The following TRAF3IP1 variants were observed in gnomAD, a reference collection of about 807,000 sequenced individuals.
TRAF3IP1 encodes intraflagellar transport 54.
Under a neutral mutation model 89.9 loss-of-function variants are expected in TRAF3IP1, and 53 were observed. The ratio of observed to expected loss-of-function variants is 0.59; its 90% CI spans 0.47 to 0.74. The LOEUF is 0.74. Ranked by LOEUF, TRAF3IP1 falls within the 30% of genes least tolerant of loss-of-function variation. TRAF3IP1 has a pLI of 0.00. For synonymous variants in TRAF3IP1, 311 were observed against 322.1 expected (o/e 0.97, Z 0.37); for missense variants, 806 against 866.1 (o/e 0.93, Z 0.87).
rs956925211 is a variant in TRAF3IP1, at chr2:238,351,013, A to G, written c.1451+1605A>G. On this transcript the variant is annotated intron_variant, in intron 12 of 16. Transcript: ENST00000373327. This position sits in a 1 kb window ranked among gnomAD's most constrained non-coding sequence, Gnocchi z 5.2. ...AGGAGGCATTAGGATTGAGAGGCTG[A>G]AGGTGCCGGATGGATAGAAGGATTG... 3.3e-5 allele frequency among the ~76,000 whole-genome samples: 5 copies of G among 152,214 alleles called. 1 individual carries two copies. The highest frequency in any genetic ancestry group is 7.4e-5 in the Non-Finnish European group (5 of 68,010).
chr2:238,357,025 A>G (rs570116454), intron 15 of TRAF3IP1, among the ~76,000 whole-genome samples: 1 of 152,158 alleles, frequency 6.6e-6, no homozygotes, highest in East Asian at 1.9e-4. Context: ...TGATCCACCC[A>G]CCTTGGCCTC....
Position 238,332,822 on chromosome 2 carries a change from A to G in TRAF3IP1, c.916-2A>G, listed in dbSNP as rs571137313. On this transcript the variant is annotated splice_acceptor_variant, in intron 5 of 16. Transcript: ENST00000373327. LOFTEE classifies it high-confidence loss of function. ...AGTTTGAATTTTTTTTTTTTTTAAT[A>G]GTCAGCAAGCTCAGGGGAGATGTCT... 3 of 1,593,868 alleles carry G rather than the reference A, an allele frequency of 1.9e-6. No individual in the cohort carries two copies. Among genetic ancestry groups the G allele is most frequent in the Admixed American group, 3.5e-5 (2 of 56,654 alleles).
Position 238,399,202 on chromosome 2 carries a change from T to G in TRAF3IP1, c.*283T>G, listed in dbSNP as rs1701369433. The G allele has an allele frequency of 3.4e-6, 1 of 298,426 alleles. No homozygotes were observed. The highest frequency in any genetic ancestry group is 2.2e-5 in the African/African-American group (1 of 45,542). The allele number at this position is 298,426 out of a possible 1,614,324, so 18.5% of individuals were successfully genotyped here. A position where few individuals can be genotyped will look rare whatever the true frequency, so the allele number is the denominator to read the frequency against. The stretch of plus-strand genomic sequence containing the variant: ...GAAAGCCTGTTCTTTGTGTTTCTGC[T>G]GTAACCTGTTTAGTTCTGTACCAGA... On this transcript the variant is annotated 3_prime_UTR_variant, in exon 17 of 17. Transcript: ENST00000373327.
intron 8 of TRAF3IP1, among the ~76,000 whole-genome samples, chr2:238,342,055 C>T (rs1047686827): frequency 1.3e-5 from 2 of 151,860 alleles, no homozygotes; most frequent in Non-Finnish European, 2.9e-5. Flanking sequence ...GTAGTGTGAT[C>T]TTGGCTCACT....
At chr2:238,383,496 C>T (rs1052736682) in intron 15 of TRAF3IP1, among the ~76,000 whole-genome samples, 1 of 152,218 alleles carries the variant, frequency 6.6e-6, no homozygotes, top group African/African-American at 2.4e-5. Flanking sequence ...TACACCGTGG[C>T]GTTTCCCTAG....
chr2:238,357,191 C>G (rs1256521876), intron 15 of TRAF3IP1, among the ~76,000 whole-genome samples: 1 of 152,200 alleles, frequency 6.6e-6, no homozygotes, highest in Non-Finnish European at 1.5e-5. Flanking sequence ...CTCTTGCCAG[C>G]CACTACCCTT....
At chr2:238,397,435 C>A in intron 15 of TRAF3IP1, 24 bp from the exon 16 acceptor site, 2 of 1,609,494 alleles carry the variant, frequency 1.2e-6, no homozygotes. Context: ...GCGTGTTCCT[C>A]TTCCTATGTC....
At chr2:238,389,016 CTT>C (rs1574974685) in intron 15 of TRAF3IP1, among the ~76,000 whole-genome samples, 1 of 152,104 alleles carries the variant, frequency 6.6e-6, no homozygotes, top group Admixed American at 6.5e-5. Flanking sequence ...AATACATACT[CTT>C]TTGATTTATT....
chr2:238,322,991 G>T (rs1216633324), intron 1 of TRAF3IP1, among the ~76,000 whole-genome samples: 1 of 151,974 alleles, frequency 6.6e-6, no homozygotes, highest in Non-Finnish European at 1.5e-5. Context: ...TAGTATTTTA[G>T]CTATAGCTAC....
chr2:238,321,815 G>A (rs1697561416), intron 1 of TRAF3IP1, among the ~76,000 whole-genome samples: 2 of 152,144 alleles, frequency 1.3e-5, no homozygotes, highest in African/African-American at 4.8e-5. Flanking sequence ...GACTTCCAGG[G>A]CCTCATGACC....
At chr2:238,352,086 G>C (rs1011836825) in intron 12 of TRAF3IP1, among the ~76,000 whole-genome samples, 15 of 152,102 alleles carry the variant, frequency 9.9e-5, no homozygotes, top group African/African-American at 2.9e-4. Context: ...AGAGTGAGCT[G>C]ACAGTGGCCT....
At chr2:238,334,590 T>A (rs1698296209) in intron 7 of TRAF3IP1, among the ~76,000 whole-genome samples, 1 of 152,240 alleles carries the variant, frequency 6.6e-6, no homozygotes, top group Non-Finnish European at 1.5e-5. Flanking sequence ...ATTGGAGGCT[T>A]ATTTTTCATT....
chr2:238,329,002 G>T lies in TRAF3IP1; in HGVS notation c.575G>T (p.Arg192Leu), dbSNP rs1039895833. The change falls in exon 5 of 17, where the codon CGC becomes CTC. Residue 192 changes from arginine to leucine, a missense_variant. Arg to Leu is a moderately radical substitution (Grantham distance 102, BLOSUM62 -2). This residue lies in a region of TRAF3IP1 where 732 missense variants were observed against 780.5 expected (regional missense o/e 0.94). Transcript: ENST00000373327. ...RKQKEELKED[R>L]KPREKDKDKE... Reference sequence around the variant, plus strand: ...CAGAAGGAAGAATTGAAAGAAGACCGCAAGCCAAGAGAAAAGGACAAGGAC... The same window carrying T: ...CAGAAGGAAGAATTGAAAGAAGACCTCAAGCCAAGAGAAAAGGACAAGGAC... 1.3e-6 allele frequency: 2 copies of T among 1,551,588 alleles called. No homozygotes were observed. Among genetic ancestry groups the T allele is most frequent in the Non-Finnish European group, 1.7e-6 (2 of 1,147,150 alleles).
intron 15 of TRAF3IP1, among the ~76,000 whole-genome samples, chr2:238,388,217 A>G (rs1700853162): frequency 6.6e-6 from 1 of 152,114 alleles, no homozygotes; most frequent in East Asian, 1.9e-4. Context: ...TCTACAAAAA[A>G]TACAAAAATT....
chr2:238,390,776 G>A (rs1238276391), intron 15 of TRAF3IP1, among the ~76,000 whole-genome samples: 1 of 152,076 alleles, frequency 6.6e-6, no homozygotes, highest in East Asian at 1.9e-4. Flanking sequence ...TTGTGAGGAA[G>A]CTGAGGTACA....
At chr2:238,340,879 A>T (rs1289838456) in intron 8 of TRAF3IP1, among the ~76,000 whole-genome samples, 6 of 151,744 alleles carry the variant, frequency 4.0e-5, no homozygotes, top group Admixed American at 3.9e-4. Context: ...AGAGACAGAG[A>T]CAGAGTCTCA....
chr2:238,346,379 G>A (rs1256662746), intron 9 of TRAF3IP1, among the ~76,000 whole-genome samples: 1 of 152,124 alleles, frequency 6.6e-6, no homozygotes, highest in Admixed American at 6.5e-5. Context: ...TGGGTGCCAG[G>A]CTACCCCCTG....
chr2:238,332,055 T>C (rs57866457), intron 5 of TRAF3IP1, among the ~76,000 whole-genome samples: 18,082 of 152,254 alleles, frequency 0.12, 1,849 homozygotes, highest in African/African-American at 0.28. Context: ...CCCAGGCCCC[T>C]GCTTAACTGC....
rs76669195 is a variant in TRAF3IP1 at position 238,351,243 on chromosome 2, C to G, written c.1452-1584C>G. ...ATTTTGGAAGGATCATTTCTCAATA[C>G]TTGAAATCACAAGTAAGACAGGAGC... On this transcript the variant is annotated intron_variant, in intron 12 of 16. Transcript: ENST00000373327. The surrounding 1 kb of genome is among the most constrained non-coding windows in gnomAD (Gnocchi z 5.2). Among the ~76,000 whole-genome samples, 425 of 152,150 alleles carry G rather than the reference C, an allele frequency of 2.8e-3. 4 individuals are homozygous for G. Among genetic ancestry groups the G allele is most frequent in the Non-Finnish European group, 3.2e-3 (217 of 67,998 alleles).
Sources: allele counts gnomAD v4.1 joint callset (sites outside exome capture counted in the v4.1 genomes callset), GRCh38; gene constraint gnomAD v4.1.1; regional missense constraint gnomAD v4.1.1; non-coding constraint Gnocchi (gnomAD v3.1); transcripts MANE v1.5; gene names NCBI Gene and HGNC (gene_info 2026-07-23, HGNC 2026-07-21).